Variants in HS3ST3B1 observed in about 807,000 individuals in gnomAD.
HS3ST3B1 encodes heparan sulfate-glucosamine 3-sulfotransferase 3B1, also known as heparan sulfate glucosamine 3-O-sulfotransferase 3B1.
A neutral mutation model predicts 21.3 loss-of-function variants in HS3ST3B1; 13 were observed. That is an observed-to-expected ratio of 0.61 (90% CI 0.40 to 0.97). The LOEUF is 0.97. Ranked by LOEUF, HS3ST3B1 falls within the 50% of genes least tolerant of loss-of-function variation. The pLI, the probability that HS3ST3B1 is intolerant of heterozygous loss-of-function variation, is 0.00. For synonymous variants in HS3ST3B1, 234 were observed against 254.8 expected, an observed-to-expected ratio of 0.92 and a Z score of 0.78; for missense variants, 459 against 554.8, an observed-to-expected ratio of 0.83 and a Z score of 1.73.
intron 1 of HS3ST3B1, among the ~76,000 whole-genome samples, chr17:14,336,617 T>A (rs868831452): frequency 6.6e-6 from 1 of 152,150 alleles, no homozygotes; most frequent in Non-Finnish European, 1.5e-5. Context: ...AGTCAGCTCA[T>A]CTTCTCAGCT....
chr17:14,348,664 T>C lies in HS3ST3B1; in HGVS notation c.*3018T>C, dbSNP rs1415667957. On this transcript the variant is annotated 3_prime_UTR_variant, in exon 2 of 2. Transcript: ENST00000360954. ...GTCCTGGCACGTGTTTTGGACTTCCTCCGATTTACACGAAAAGCTCTGATA... is the reference window on the plus strand; with the variant it reads ...GTCCTGGCACGTGTTTTGGACTTCCCCCGATTTACACGAAAAGCTCTGATA... 1 of 152,230 alleles carries C rather than the reference T, an allele frequency of 6.6e-6. No individual in the cohort carries two copies. Among genetic ancestry groups the C allele is most frequent in the Non-Finnish European group, 1.5e-5 (1 of 68,044 alleles). 9.4% of individuals were successfully genotyped at this position (152,230 alleles called of 1,614,324 possible). A position where few individuals can be genotyped will look rare whatever the true frequency, so the allele number is the denominator to read the frequency against.
chr17:14,316,150 C>G (rs1266067657), intron 1 of HS3ST3B1, among the ~76,000 whole-genome samples: 1 of 152,170 alleles, frequency 6.6e-6, no homozygotes, highest in East Asian at 1.9e-4. Flanking sequence ...CCCCTTGGAG[C>G]AGGCTTCCCG....
intron 1 of HS3ST3B1, among the ~76,000 whole-genome samples, chr17:14,339,485 T>A (rs981685830): frequency 2.6e-5 from 4 of 152,164 alleles, no homozygotes; most frequent in African/African-American, 9.7e-5. Context: ...GAGAGGATCA[T>A]CATGAATGGA....
At chr17:14,326,327 T>C (rs1383760960) in intron 1 of HS3ST3B1, among the ~76,000 whole-genome samples, 1 of 152,074 alleles carries the variant, frequency 6.6e-6, no homozygotes, top group African/African-American at 2.4e-5. Flanking sequence ...GCCAGGGAGT[T>C]TGCAGGTCAT....
intron 1 of HS3ST3B1, among the ~76,000 whole-genome samples, chr17:14,307,635 T>G (rs1296866116): frequency 6.6e-6 from 1 of 152,082 alleles, no homozygotes; most frequent in Non-Finnish European, 1.5e-5. Context: ...ATCAGGGAGG[T>G]GGCATTTATT....
intron 1 of HS3ST3B1, among the ~76,000 whole-genome samples, chr17:14,314,995 G>T (rs954673720): frequency 1.3e-5 from 2 of 152,180 alleles, no homozygotes; most frequent in African/African-American, 2.4e-5. Flanking sequence ...TGCTTAGCTG[G>T]CTGCCAATTA....
intron 1 of HS3ST3B1, among the ~76,000 whole-genome samples, chr17:14,333,545 TC>T (rs558274365): frequency 2.6e-5 from 4 of 151,810 alleles, no homozygotes; most frequent in Admixed American, 2.6e-4. Flanking sequence ...AGAACTGGCC[TC>T]AGTTCTTAAT....
In HS3ST3B1 at chr17:14,301,239, G is replaced by A. The variant is rs749328966; in HGVS notation, c.-280G>A. 55 of 461,932 alleles carry A rather than the reference G, an allele frequency of 1.2e-4. No individual in the cohort carries two copies. The highest frequency in any genetic ancestry group is 1.9e-4 in the Non-Finnish European group (51 of 263,996). The allele number at this position is 461,932 out of a possible 1,614,324, so 28.6% of individuals were successfully genotyped here. On this transcript the variant is annotated 5_prime_UTR_variant, in exon 1 of 2. Transcript: ENST00000360954. ...TCCTCCTGGCCCCGAGCGCGTCGTC[G>A]CGCCCCGGGAGCAGACCCTCGCCCA...
chr17:14,307,409 T>TG (rs1909169930), intron 1 of HS3ST3B1, among the ~76,000 whole-genome samples: 1 of 118,900 alleles, frequency 8.4e-6, no homozygotes, highest in Non-Finnish European at 1.8e-5. Context: ...TGTTTTAGTC[T>TG]GAAAAAAAAA....
chr17:14,348,286 C>A lies in HS3ST3B1; in HGVS notation c.*2640C>A, dbSNP rs1044748970. The stretch of plus-strand genomic sequence containing the variant: ...TGGTAGAAGGAGGGTCATTTAGTCA[C>A]GAACACTGAAGTGGGTCAAAATTCT... On this transcript the variant is annotated 3_prime_UTR_variant, in exon 2 of 2. Coordinates refer to ENST00000360954, the MANE Select transcript of HS3ST3B1 (RefSeq NM_006041.3). The A allele has an allele frequency of 1.3e-5, 2 of 152,176 alleles. No homozygotes were observed. The allele number at this position is 152,176 out of a possible 1,614,324, so 9.4% of individuals were successfully genotyped here. A position where few individuals can be genotyped will look rare whatever the true frequency, so the allele number is the denominator to read the frequency against.
At position 14,301,505 on chromosome 17, in the gene HS3ST3B1, C is replaced by T. The variant is rs772502099; in HGVS notation, c.-14C>T. 8.6e-6 allele frequency: 13 copies of T among 1,503,140 alleles called. No homozygotes were observed. In the South Asian group the frequency reaches 9.0e-5, roughly 10 times the overall value. The allele number at this position is 1,503,140 out of a possible 1,614,324, so 93.1% of individuals were successfully genotyped here. A position where few individuals can be genotyped will look rare whatever the true frequency, so the allele number is the denominator to read the frequency against. On this transcript the variant is annotated 5_prime_UTR_variant, in exon 1 of 2. Coordinates refer to ENST00000360954, the MANE Select transcript of HS3ST3B1 (RefSeq NM_006041.3). ...GTGCTGAGCCATGTCCCTGGCCGCG[C>T]CCGCGGGCAGCGCATGGGGCAGCGC...
intron 1 of HS3ST3B1, among the ~76,000 whole-genome samples, chr17:14,342,813 A>C (rs541648740): frequency 1.3e-5 from 2 of 152,372 alleles, no homozygotes; most frequent in African/African-American, 4.8e-5. Context: ...TAATTTAAGA[A>C]GCTAATTTAA....
intron 1 of HS3ST3B1, among the ~76,000 whole-genome samples, chr17:14,338,767 C>T (rs1910278492): frequency 6.6e-6 from 1 of 152,088 alleles, no homozygotes; most frequent in African/African-American, 2.4e-5. Context: ...CTTGAAATAT[C>T]CTTAAACAAA....
intron 1 of HS3ST3B1, among the ~76,000 whole-genome samples, chr17:14,316,119 C>T (rs1393342533): frequency 6.6e-6 from 1 of 152,118 alleles, no homozygotes; most frequent in African/African-American, 2.4e-5. Context: ...TGTGCTCCCG[C>T]TCTCTCTCCA....
rs1158347422 is a variant in HS3ST3B1, at chr17:14,345,341, C to A, written c.868C>A (p.Arg290Ser). 3 of 1,084,184 alleles carry A rather than the reference C, an allele frequency of 2.8e-6. No homozygotes were observed. Among genetic ancestry groups the A allele is most frequent in the Non-Finnish European group, 4.0e-6 (3 of 747,916 alleles). 67.2% of individuals were successfully genotyped at this position (1,084,184 alleles called of 1,614,324 possible). A position where few individuals can be genotyped will look rare whatever the true frequency, so the allele number is the denominator to read the frequency against. The change falls in exon 2 of 2, where the codon CGC (arginine) becomes AGC (serine). Residue 290 changes from arginine to serine, a missense_variant. Arg to Ser is a moderately radical substitution (Grantham distance 110, BLOSUM62 -1). Coordinates refer to ENST00000360954, the MANE Select transcript of HS3ST3B1 (RefSeq NM_006041.3). The part of the protein sequence containing the change: ...LEHWLRHFPI[R>S]QMLFVSGERL... The stretch of plus-strand genomic sequence containing the variant: ...GCACTGGCTGCGCCACTTCCCCATC[C>A]GCCAGATGCTCTTCGTGAGCGGCGA...
chr17:14,337,165 C>A lies in HS3ST3B1; in HGVS notation c.555-7863C>A, dbSNP rs145140303. Among the ~76,000 whole-genome samples, 23 of 152,176 alleles carry A rather than the reference C, an allele frequency of 1.5e-4. No individual in the cohort carries two copies. The East Asian group carries it at 4.2e-3, about 28-fold the overall frequency. On this transcript the variant is annotated intron_variant, in intron 1 of 1. Transcript: ENST00000360954. ...CTTTTGATGATGAAAGAATTAGATA[C>A]CTCTGTTAGCTTTTCTTTATCACAC...
At chr17:14,306,829 T>TAA (rs11462805) in intron 1 of HS3ST3B1, among the ~76,000 whole-genome samples, 20,995 of 149,108 alleles carry the variant, frequency 0.14, 1,724 homozygotes, top group South Asian at 0.31. Context: ...TGGGTGAAGA[T>TAA]AAAAAAAAAA....
chr17:14,327,844 C>T (rs943432441), intron 1 of HS3ST3B1: 2 of 152,094 alleles, frequency 1.3e-5, no homozygotes. Context: ...CTTTAAAACT[C>T]ACAGTCTAAA....
chr17:14,313,145 T>TACATATATATATG (rs1349125456), intron 1 of HS3ST3B1, among the ~76,000 whole-genome samples: 1 of 150,548 alleles, frequency 6.6e-6, no homozygotes, highest in Non-Finnish European at 1.5e-5. Context: ...TATATATATA[T>TACATATATATATG]TTTTAGTAGA....
Sources: allele counts gnomAD v4.1 joint callset (sites outside exome capture counted in the v4.1 genomes callset), GRCh38; gene constraint gnomAD v4.1.1; transcripts MANE v1.5; gene names NCBI Gene and HGNC (gene_info 2026-07-23, HGNC 2026-07-21).